The following VWCE variants were observed in gnomAD, a reference collection of about 807,000 sequenced individuals.
VWCE encodes the protein von Willebrand factor C and EGF domains.
VWCE carries 68 observed loss-of-function variants against 102.9 expected under a neutral mutation model. The ratio of observed to expected loss-of-function variants is 0.66; its 90% CI spans 0.54 to 0.81. VWCE has a LOEUF of 0.81. Ranked by LOEUF, VWCE falls within the 30% of genes least tolerant of loss-of-function variation. The probability of loss-of-function intolerance (pLI) is 0.00; values close to 1 mark genes in which losing one functional copy is unlikely to be tolerated. For synonymous variants in VWCE, 497 were observed against 515.4 expected (o/e 0.96, Z 0.48); for missense variants, 1,137 against 1,263.6 (o/e 0.90, Z 1.52).
intron 18 of VWCE, 103 bp downstream of exon 18, chr11:61,264,853 G>T: frequency 1.6e-6 from 2 of 1,277,534 alleles, no homozygotes; most frequent in Non-Finnish European, 1.1e-6. Context: ...ATGGCAGGAG[G>T]ATGGATTTAT....
intron 12 of VWCE, chr11:61,273,632 A>G: frequency 3.1e-6 from 1 of 323,614 alleles, no homozygotes; most frequent in Non-Finnish European, 5.7e-6. Context: ...TGGCAGCTTC[A>G]CTGAGTGCAA....
intron 4 of VWCE, among the ~76,000 whole-genome samples, chr11:61,288,058 T>G (rs929073312): frequency 2.7e-5 from 4 of 146,774 alleles, no homozygotes; most frequent in Non-Finnish European, 5.9e-5. Flanking sequence ...CTTGGGAGGC[T>G]GAGGCATAAG....
chr11:61,278,338 A>AT, intron 10 of VWCE, 56 bp downstream of exon 10: 1 of 1,587,540 alleles, frequency 6.3e-7, no homozygotes, highest in Middle Eastern at 1.7e-4. Context: ...CTTCCTCTAA[A>AT]ACCCCCAAAG....
chr11:61,264,957 T>A lies in VWCE; in HGVS notation c.2138A>T (p.Gln713Leu), dbSNP rs1376524587. 9 of 1,613,556 alleles carry A rather than the reference T, an allele frequency of 5.6e-6. No homozygotes were observed. The highest frequency in any genetic ancestry group is 1.3e-5 in the African/African-American group (1 of 74,944). ...CCTGGGTTCCCAGGCCCAGCTCACCTGGCACGTGCACCGGGTGCAGGGTTC... is the reference window on the plus strand; with the variant it reads ...CCTGGGTTCCCAGGCCCAGCTCACCAGGCACGTGCACCGGGTGCAGGGTTC... ...DDEPCTRCTC[Q>L]LGEVSCEKVP... The change falls in exon 18 of 20, where the codon CAG (glutamine) becomes CTG (leucine). Residue 713 changes from glutamine (Q) to leucine (L), a missense_variant and splice_region_variant. Gln to Leu is a moderately radical substitution (Grantham distance 113). Coordinates refer to ENST00000335613, the MANE Select transcript of VWCE (RefSeq NM_152718.2).
intron 1 of VWCE, among the ~76,000 whole-genome samples, chr11:61,293,511 G>A (rs1855580812): frequency 6.6e-6 from 1 of 152,092 alleles, no homozygotes; most frequent in South Asian, 2.1e-4. Context: ...AGGCCTGGAG[G>A]GGGACAGAGA....
At position 61,258,492 on chromosome 11, in the gene VWCE, C is replaced by G; in HGVS notation, c.*183G>C. The G allele has an allele frequency of 1.8e-6, 1 of 556,360 alleles. No individual in the cohort carries two copies. 34.5% of individuals were successfully genotyped at this position (556,360 alleles called of 1,614,324 possible). A position where few individuals can be genotyped will look rare whatever the true frequency, so the allele number is the denominator to read the frequency against. ...AACGACTTCCTCCATTCTTACAGCA[C>G]ATTCCAAACACTTCTTGGGAACAAG... is the stretch of plus-strand genomic sequence containing the variant. On this transcript the variant is annotated 3_prime_UTR_variant, in exon 20 of 20. Transcript: ENST00000335613.
chr11:61,293,111 C>G (rs941739754), intron 1 of VWCE, among the ~76,000 whole-genome samples: 1 of 151,894 alleles, frequency 6.6e-6, no homozygotes, highest in Non-Finnish European at 1.5e-5. Flanking sequence ...CATGGTGGCG[C>G]ATGCCTGTAA....
At chr11:61,275,902 C>G (rs971453895) in intron 11 of VWCE, among the ~76,000 whole-genome samples, 1 of 152,226 alleles carries the variant, frequency 6.6e-6, no homozygotes, top group South Asian at 2.1e-4. Flanking sequence ...CCTGCCTGAG[C>G]TGAAGGTGCC....
At chr11:61,278,754 C>T (rs1855014676) in intron 9 of VWCE, among the ~76,000 whole-genome samples, 1 of 152,094 alleles carries the variant, frequency 6.6e-6, no homozygotes. Context: ...GGTTTCAAAA[C>T]CTGAGGCCAG....
In VWCE at chr11:61,259,278, G is replaced by C; in HGVS notation, c.2265C>G (p.Leu755=). 6.3e-7 allele frequency: 1 copy of C among 1,598,422 alleles called. No individual in the cohort carries two copies. Among genetic ancestry groups the C allele is most frequent in the Non-Finnish European group, 8.5e-7 (1 of 1,170,988 alleles). Residue 755 remains leucine (L), a synonymous_variant, in exon 20 of 20, where the codon CTC becomes CTG. Coordinates refer to ENST00000335613, the MANE Select transcript of VWCE (RefSeq NM_152718.2). ...SLSPLEEKQG[L]SPHGNVAFSK... The stretch of plus-strand genomic sequence containing the variant: ...TGAATGCCACATTTCCGTGAGGGGA[G>C]AGCCCCTGCTTTTCTTCCAGAGGAG...
rs776440707 is a variant in VWCE at position 61,291,339 on chromosome 11, C to T, written c.220G>A (p.Gly74Ser). 4.3e-6 allele frequency: 7 copies of T among 1,613,006 alleles called. No homozygotes were observed. Among genetic ancestry groups the T allele is most frequent in the Admixed American group, 3.3e-5 (2 of 59,870 alleles). ...GHCTLPLCSF[G>S]CGSGICIAPN... The stretch of plus-strand genomic sequence containing the variant: ...GCGATGCAGATGCCACTCCCACAGC[C>T]GAAGGAGCAGAGGGCTGAGAGGAGA... Residue 74 changes from glycine to serine, a missense_variant, in exon 3 of 20, where the codon GGC (glycine) becomes AGC (serine). Gly to Ser is a moderately conservative substitution (Grantham distance 56). This residue lies in a region of VWCE where 575 missense variants were observed against 625.9 expected (regional missense o/e 0.92). Transcript: ENST00000335613.
chr11:61,281,824 G>C lies in VWCE; in HGVS notation c.749C>G (p.Pro250Arg). The change falls in exon 7 of 20, where the codon CCT becomes CGT. Residue 250 changes from proline to arginine, a missense_variant. By Grantham distance (103) the Pro-to-Arg change is moderately radical (BLOSUM62 -2). Transcript: ENST00000335613. ...TVGSFLCTCRPGFRLRADRVS... is the reference protein window; with the variant it reads ...TVGSFLCTCRRGFRLRADRVS... Reference sequence around the variant, plus strand: ...GCGGTCAGCTCGGAGCCTGAAGCCAGGTCGGCATGTGCATAGGAAGCTGCC... The same window carrying C: ...GCGGTCAGCTCGGAGCCTGAAGCCACGTCGGCATGTGCATAGGAAGCTGCC... The C allele has an allele frequency of 6.2e-7, 1 of 1,613,872 alleles. No individual in the cohort carries two copies. The highest frequency in any genetic ancestry group is 8.5e-7 in the Non-Finnish European group (1 of 1,179,852).
At chr11:61,276,860 A>G (rs1168696805) in intron 10 of VWCE, among the ~76,000 whole-genome samples, 180 bp from the exon 11 acceptor site, 1 of 123,062 alleles carries the variant, frequency 8.1e-6, no homozygotes, top group African/African-American at 3.1e-5. Flanking sequence ...AGAAAAGAGG[A>G]GAGGAAAGGA....
intron 14 of VWCE, chr11:61,269,258 G>A (rs1854602771): frequency 1.9e-6 from 1 of 516,186 alleles, no homozygotes; most frequent in African/African-American, 1.9e-5. Context: ...TGGGATTCTG[G>A]TCTCCTCCGC....
At chr11:61,277,237 AG>A in intron 10 of VWCE, among the ~76,000 whole-genome samples, 1 of 151,564 alleles carries the variant, frequency 6.6e-6, no homozygotes, top group Non-Finnish European at 1.5e-5. Context: ...GAGTTCGATA[AG>A]GGGTGCTGGT....
chr11:61,281,693 T>A (rs1406509797), intron 7 of VWCE, 93 bp downstream of exon 7: 15 of 1,344,798 alleles, frequency 1.1e-5, no homozygotes, highest in Non-Finnish European at 1.4e-5. Context: ...CGGGAGGGCG[T>A]GACGGGGAGG....
chr11:61,288,155 C>CAAAAAAAAAAAAAAA, intron 4 of VWCE, among the ~76,000 whole-genome samples: 1 of 37,290 alleles, frequency 2.7e-5, no homozygotes, highest in Non-Finnish European at 5.9e-5. Context: ...GACTCTGTCT[C>CAAAAAAAAAAAAAAA]AAAAAAAAAA....
chr11:61,265,360 G>T (rs79918737), intron 16 of VWCE, 148 bp from the exon 17 acceptor site: 1 of 667,336 alleles, frequency 1.5e-6, no homozygotes, highest in Non-Finnish European at 2.4e-6. Context: ...GGCAGGGGGC[G>T]CATTTTCTCT....
In VWCE at chr11:61,281,940, G is replaced by A. The variant is rs957595558; in HGVS notation, c.659-26C>T. 6 of 1,603,306 alleles carry A rather than the reference G, an allele frequency of 3.7e-6. No homozygotes were observed. In the East Asian group the frequency reaches 6.7e-5, roughly 18 times the overall value. ...CTGCGGGAGAGCCTCGCTGCGGACA[G>A]CTGCTTTGTTTGGGCTACGGAGCCC... On this transcript the variant is annotated intron_variant, in intron 6 of 19. Transcript: ENST00000335613.
Sources: gnomAD v4.1 joint callset for allele counts (sites outside exome capture counted in the v4.1 genomes callset) on GRCh38, gnomAD v4.1.1 for gene constraint, gnomAD v4.1.1 regional missense constraint, MANE v1.5 for transcripts, NCBI Gene and HGNC (gene_info 2026-07-23, HGNC 2026-07-21) for gene names.